The following JAZF1 variants were observed in gnomAD, a reference collection of about 807,000 sequenced individuals.
JAZF1 encodes juxtaposed with another zinc finger protein 1.
A neutral mutation model predicts 26.4 loss-of-function variants in JAZF1; 8 were observed. The observed-to-expected ratio is 0.30, with a 90% CI of 0.18 to 0.55. JAZF1 has a LOEUF of 0.55. Ranked by LOEUF, JAZF1 falls within the 20% of genes least tolerant of loss-of-function variation. The pLI, the probability that JAZF1 is intolerant of heterozygous loss-of-function variation, is 0.94. For missense variants in JAZF1, 199 were observed against 322.0 expected (o/e 0.62, Z 2.92); for synonymous variants, 126 against 122.3 (o/e 1.03, Z -0.20).
At chr7:27,851,922 C>T (rs904123616) in intron 3 of JAZF1, among the ~76,000 whole-genome samples, 7 of 147,010 alleles carry the variant, frequency 4.8e-5, no homozygotes, top group Non-Finnish European at 7.5e-5. Flanking sequence ...CACACTGATG[C>T]CTGGGGGTTC....
intron 1 of JAZF1, among the ~76,000 whole-genome samples, chr7:28,098,545 A>G (rs190940987): frequency 1.3e-5 from 2 of 152,168 alleles, no homozygotes; most frequent in Non-Finnish European, 2.9e-5. Flanking sequence ...TCTCCCCAGT[A>G]AAATGTAAAT....
At chr7:28,179,857 T>TGGCGGC (rs568494715) in intron 1 of JAZF1, among the ~76,000 whole-genome samples, 18 of 141,710 alleles carry the variant, frequency 1.3e-4, no homozygotes, top group African/African-American at 3.4e-4. Flanking sequence ...CAGGACGCAG[T>TGGCGGC]GGCGGCGGCG....
At chr7:27,931,515 G>A (rs981529542) in intron 2 of JAZF1, among the ~76,000 whole-genome samples, 11 of 152,178 alleles carry the variant, frequency 7.2e-5, no homozygotes, top group Non-Finnish European at 1.5e-5. Flanking sequence ...GCACATGATG[G>A]CAAAAATCAG....
At chr7:27,969,316 G>A (rs1420802651) in intron 2 of JAZF1, among the ~76,000 whole-genome samples, 1 of 152,052 alleles carries the variant, frequency 6.6e-6, no homozygotes, top group African/African-American at 2.4e-5. Flanking sequence ...GGGGAGAGAG[G>A]ACGTTGGCAA....
At chr7:27,889,413 CCA>C (rs1469760384) in intron 3 of JAZF1, among the ~76,000 whole-genome samples, 6 of 152,070 alleles carry the variant, frequency 3.9e-5, no homozygotes, top group Non-Finnish European at 8.8e-5. Context: ...TAGGATGATC[CCA>C]CGTCAAAGGT....
At chr7:28,054,879 T>TA (rs1007606748) in intron 1 of JAZF1, among the ~76,000 whole-genome samples, 2 of 151,992 alleles carry the variant, frequency 1.3e-5, no homozygotes, top group African/African-American at 4.8e-5. Flanking sequence ...CTCATAGACT[T>TA]ACCCACACCA....
chr7:28,007,517 C>T (rs946928130), intron 1 of JAZF1, among the ~76,000 whole-genome samples: 34 of 151,560 alleles, frequency 2.2e-4, no homozygotes, highest in African/African-American at 6.8e-4. Flanking sequence ...TGCAGTGAGC[C>T]GAGATCATGC....
At chr7:27,974,446 T>C (rs1785433325) in intron 2 of JAZF1, among the ~76,000 whole-genome samples, 1 of 152,158 alleles carries the variant, frequency 6.6e-6, no homozygotes, top group Non-Finnish European at 1.5e-5. Context: ...GGGACTTCCT[T>C]AAGGAACTTG....
chr7:28,047,642 A>G (rs893611465), intron 1 of JAZF1, among the ~76,000 whole-genome samples: 10 of 152,146 alleles, frequency 6.6e-5, no homozygotes, highest in Non-Finnish European at 1.3e-4. Context: ...TGAAAACAAT[A>G]TTCATTTTCT....
At chr7:27,898,292 T>TATATATATAC (rs1432155714) in intron 2 of JAZF1, among the ~76,000 whole-genome samples, 1 of 103,570 alleles carries the variant, frequency 9.7e-6, no homozygotes, top group Non-Finnish European at 1.9e-5. Context: ...AACTCATATA[T>TATATATATAC]ATATATATAT....
chr7:28,084,033 T>C (rs1469571781), intron 1 of JAZF1, among the ~76,000 whole-genome samples: 1 of 152,100 alleles, frequency 6.6e-6, no homozygotes, highest in Non-Finnish European at 1.5e-5. Flanking sequence ...GAAGATGTCA[T>C]GGGTATATTT....
chr7:27,925,807 A>C (rs932052366), intron 2 of JAZF1, among the ~76,000 whole-genome samples: 4 of 152,238 alleles, frequency 2.6e-5, no homozygotes, highest in Non-Finnish European at 4.4e-5. Flanking sequence ...AGTTCTTAAA[A>C]ATCATGGCAG....
intron 2 of JAZF1, among the ~76,000 whole-genome samples, chr7:27,984,137 T>C (rs1261494468): frequency 6.6e-6 from 1 of 152,170 alleles, no homozygotes; most frequent in Non-Finnish European, 1.5e-5. Context: ...AATGCTCCAA[T>C]TAAAAGACAC....
intron 1 of JAZF1, among the ~76,000 whole-genome samples, chr7:28,081,451 A>G (rs984366885): frequency 5.9e-5 from 9 of 152,148 alleles, no homozygotes; most frequent in African/African-American, 1.7e-4. Context: ...TTTGGTCATA[A>G]CCAGCACCAA....
intron 1 of JAZF1, among the ~76,000 whole-genome samples, chr7:28,018,062 A>C (rs1782928188): frequency 6.6e-6 from 1 of 152,248 alleles, no homozygotes; most frequent in African/African-American, 2.4e-5. Context: ...TCTATGAAGG[A>C]AACGGGCAGG....
intron 3 of JAZF1, chr7:27,843,506 A>C (rs867858367): frequency 7.2e-5 from 11 of 152,276 alleles, no homozygotes; most frequent in African/African-American, 2.4e-4. Flanking sequence ...TAATCATATT[A>C]CATATTCCAT....
At chr7:27,981,067 T>C (rs770337833) in intron 2 of JAZF1, among the ~76,000 whole-genome samples, 2 of 152,234 alleles carry the variant, frequency 1.3e-5, no homozygotes, top group South Asian at 4.1e-4. Flanking sequence ...TATTAGTAAC[T>C]TAGGCAACCT....
intron 1 of JAZF1, among the ~76,000 whole-genome samples, chr7:28,113,148 C>T (rs966654019): frequency 6.6e-6 from 1 of 152,178 alleles, no homozygotes; most frequent in African/African-American, 2.4e-5. Flanking sequence ...CAGAGTCCGG[C>T]CTGTTGAATC....
intron 3 of JAZF1, among the ~76,000 whole-genome samples, chr7:27,885,567 T>A (rs1783845553): frequency 1.3e-5 from 2 of 152,246 alleles, no homozygotes; most frequent in Non-Finnish European, 2.9e-5. Flanking sequence ...GAGGCCTTTA[T>A]CAGACACATG....
Sources: gnomAD v4.1 joint callset for allele counts (sites outside exome capture counted in the v4.1 genomes callset) on GRCh38, gnomAD v4.1.1 for gene constraint, MANE v1.5 for transcripts, NCBI Gene and HGNC (gene_info 2026-07-23, HGNC 2026-07-21) for gene names.